The following PCNX4 variants were observed in gnomAD, a reference collection of about 807,000 sequenced individuals.
PCNX4 encodes pecanex 4, also known as pecanex-like protein 4.
In PCNX4, 103 loss-of-function variants were observed where a neutral mutation model predicts 107.2. The observed-to-expected ratio is 0.96, with a 90% CI of 0.82 to 1.13. The LOEUF (loss-of-function observed/expected upper bound fraction) is 1.13, where lower values mean the gene tolerates loss of function less well. Ranked by LOEUF, PCNX4 falls within the 50% of genes most tolerant of loss-of-function variation. The probability of loss-of-function intolerance (pLI) is 0.00; values close to 1 mark genes in which losing one functional copy is unlikely to be tolerated. For missense variants in PCNX4, 1,528 were observed against 1,379.4 expected, an observed-to-expected ratio of 1.11 and a Z score of -1.71; for synonymous variants, 541 against 481.7, an observed-to-expected ratio of 1.12 and a Z score of -1.61.
intron 8 of PCNX4, among the ~76,000 whole-genome samples, chr14:60,122,821 A>T (rs1895980159): frequency 6.6e-6 from 1 of 152,120 alleles, no homozygotes; most frequent in African/African-American, 2.4e-5. Context: ...TATATAATGA[A>T]TAGTAAGTGA....
rs75260093 is a variant in PCNX4 at position 60,110,032 on chromosome 14, T to G, written c.689+1705T>G. The G allele has an allele frequency of 0.013, 2,144 of 167,188 alleles. 73 individuals are homozygous for G. In the East Asian group the frequency reaches 0.15, roughly 12 times the overall value. 10.4% of individuals were successfully genotyped at this position (167,188 alleles called of 1,614,324 possible). ...AGAGAAGGAACCAGAACTTGAAGAT[T>G]TGGAAAATTTTCAGCCTGGATTATC... On this transcript the variant is annotated intron_variant, in intron 2 of 10. Transcript: ENST00000406854.
chr14:60,121,223 T>G lies in PCNX4; in HGVS notation c.1970T>G (p.Leu657Trp). Reference protein sequence around the residue: ...LGLLLPGSHYLGRFQDRLMWI... With the variant: ...LGLLLPGSHYWGRFQDRLMWI... ...CTCCTCCTACCTGGATCTCATTACTTGGGCCGTTTTCAGGATCGTTTAATG... is the reference window on the plus strand; with the variant it reads ...CTCCTCCTACCTGGATCTCATTACTGGGGCCGTTTTCAGGATCGTTTAATG... The change falls in exon 8 of 11, where the codon TTG becomes TGG. Residue 657 changes from leucine (L) to tryptophan (W), a missense_variant. Coordinates refer to ENST00000406854, the MANE Select transcript of PCNX4 (RefSeq NM_001330177.2). The G allele has an allele frequency of 6.2e-7, 1 of 1,610,218 alleles. No homozygotes were observed.
Position 60,118,443 on chromosome 14 carries a change from T to G in PCNX4, c.1693T>G (p.Leu565Val). The G allele has an allele frequency of 6.2e-7, 1 of 1,613,748 alleles. No individual in the cohort carries two copies. The highest frequency in any genetic ancestry group is 8.5e-7 in the Non-Finnish European group (1 of 1,179,780). ...ACAACGTCGAAAAACAACTGCCACT[T>G]TATGTATACTCAACATTGTCTTTTC... Reference protein sequence around the residue: ...KKQRRKTTATLCILNIVFSPF... With the variant: ...KKQRRKTTATVCILNIVFSPF... Residue 565 changes from leucine to valine, a missense_variant, in exon 7 of 11, where the codon TTA becomes GTA. Physicochemically the swap from Leu to Val is conservative, Grantham distance 32 (BLOSUM62 1). Coordinates refer to ENST00000406854, the MANE Select transcript of PCNX4 (RefSeq NM_001330177.2).
At chr14:60,110,233 A>G (rs160236) in intron 2 of PCNX4, 127,741 of 167,070 alleles carry the variant, frequency 0.76, 51,061 homozygotes, top group Non-Finnish European at 0.87. Context: ...TGGATTTGAC[A>G]GGATGTAATG....
At position 60,139,476 on chromosome 14, in the gene PCNX4, A is replaced by G. The variant is rs1896282366; in HGVS notation, c.*5255A>G. ...TATAGCCTCAAATATATAAGCAGAA[A>G]TGAACAGAACTAAAATGAGAAAAGA... On this transcript the variant is annotated 3_prime_UTR_variant, in exon 11 of 11. Coordinates refer to ENST00000406854, the MANE Select transcript of PCNX4 (RefSeq NM_001330177.2). 6.6e-6 allele frequency: 1 copy of G among 152,136 alleles called. No homozygotes were observed. The highest frequency in any genetic ancestry group is 2.1e-4 in the South Asian group (1 of 4,834). 9.4% of individuals were successfully genotyped at this position (152,136 alleles called of 1,614,324 possible). A position where few individuals can be genotyped will look rare whatever the true frequency, so the allele number is the denominator to read the frequency against.
At chr14:60,093,647 C>G (rs916516824) in intron 1 of PCNX4, among the ~76,000 whole-genome samples, 3 of 152,054 alleles carry the variant, frequency 2.0e-5, no homozygotes, top group Non-Finnish European at 4.4e-5. Flanking sequence ...TTCTATGAAT[C>G]TTTTGTGTAC....
intron 10 of PCNX4, among the ~76,000 whole-genome samples, chr14:60,130,923 A>T (rs1411868315): frequency 6.6e-6 from 1 of 151,982 alleles, no homozygotes; most frequent in African/African-American, 2.4e-5. Context: ...TGGTAGTAGG[A>T]GGTGGGGCCT....
chr14:60,137,297 G>T lies in PCNX4; in HGVS notation c.*3076G>T, dbSNP rs576843973. On this transcript the variant is annotated 3_prime_UTR_variant, in exon 11 of 11. Transcript: ENST00000406854. ...TGCTGAGTTAGAGGGACAAAAACTG[G>T]AGACCAAGACTCTCCAAGGAAGTAG... is the stretch of plus-strand genomic sequence containing the variant. The T allele has an allele frequency of 8.5e-5, 13 of 152,300 alleles. No individual in the cohort carries two copies. Among genetic ancestry groups the T allele is most frequent in the African/African-American group, 2.9e-4 (12 of 41,546 alleles). The allele number at this position is 152,300 out of a possible 1,614,324, so 9.4% of individuals were successfully genotyped here. A position where few individuals can be genotyped will look rare whatever the true frequency, so the allele number is the denominator to read the frequency against.
chr14:60,147,278 C>A lies in PCNX4; in HGVS notation c.*13057C>A, dbSNP rs187824085. ...ATATTTTCAGTTATAAGATAAATAA[C>A]TTATGTTATTATAATTTACAGATTC... On this transcript the variant is annotated 3_prime_UTR_variant, in exon 11 of 11. Transcript: ENST00000406854. 4.6e-5 allele frequency: 7 copies of A among 151,922 alleles called. No individual in the cohort carries two copies. In the East Asian group the frequency reaches 1.4e-3, roughly 29 times the overall value. 9.4% of individuals were successfully genotyped at this position (151,922 alleles called of 1,614,324 possible). A position where few individuals can be genotyped will look rare whatever the true frequency, so the allele number is the denominator to read the frequency against.
At chr14:60,097,913 C>T (rs1415801449) in intron 1 of PCNX4, among the ~76,000 whole-genome samples, 1 of 152,200 alleles carries the variant, frequency 6.6e-6, no homozygotes, top group Non-Finnish European at 1.5e-5. Flanking sequence ...CCCTTGTCAG[C>T]AGGAAGTAGC....
chr14:60,111,723 A>G (rs1054153977), intron 2 of PCNX4, among the ~76,000 whole-genome samples: 3 of 152,288 alleles, frequency 2.0e-5, no homozygotes, highest in Middle Eastern at 3.4e-3. Flanking sequence ...AGTACATAAA[A>G]GGTTTTTTAC....
chr14:60,136,478 A>G lies in PCNX4; in HGVS notation c.*2257A>G, dbSNP rs1369778469. ...CTCTCTTCTTACACTGAACCTATAT[A>G]TATCACTTATTTGGTATCTTCACTT... On this transcript the variant is annotated 3_prime_UTR_variant, in exon 11 of 11. Transcript: ENST00000406854. 2 of 152,222 alleles carry G rather than the reference A, an allele frequency of 1.3e-5. No individual in the cohort carries two copies. Among genetic ancestry groups the G allele is most frequent in the Non-Finnish European group, 2.9e-5 (2 of 68,032 alleles). The allele number at this position is 152,222 out of a possible 1,614,324, so 9.4% of individuals were successfully genotyped here. A position where few individuals can be genotyped will look rare whatever the true frequency, so the allele number is the denominator to read the frequency against.
In PCNX4 at chr14:60,124,561, C is replaced by T. The variant is rs1896013908; in HGVS notation, c.2390C>T (p.Ala797Val). The change falls in exon 9 of 11, where the codon GCT becomes GTT. Residue 797 changes from alanine to valine, a missense_variant. Physicochemically the swap from Ala to Val is moderately conservative, Grantham distance 64. Transcript: ENST00000406854. ...NKGKAPLMLPALNTLPPPKSP... is the reference protein window; with the variant it reads ...NKGKAPLMLPVLNTLPPPKSP... ...GGGAAAGCACCTCTAATGTTGCCTG[C>T]TTTGAACACTTTGCCACCTCCCAAA... is the stretch of plus-strand genomic sequence containing the variant. 1.2e-6 allele frequency: 2 copies of T among 1,613,630 alleles called. No homozygotes were observed. Among genetic ancestry groups the T allele is most frequent in the African/African-American group, 1.3e-5 (1 of 74,898 alleles).
In PCNX4 at chr14:60,143,416, CTCTT is replaced by C. The variant is rs748476890; in HGVS notation, c.*9197_*9200del. 4.6e-5 allele frequency: 7 copies of C among 152,150 alleles called. No homozygotes were observed. The highest frequency in any genetic ancestry group is 6.5e-5 in the Admixed American group (1 of 15,274). 9.4% of individuals were successfully genotyped at this position (152,150 alleles called of 1,614,324 possible). A position where few individuals can be genotyped will look rare whatever the true frequency, so the allele number is the denominator to read the frequency against. ...TCATCACTGGTCACGCAAGAGTCCT[CTCTT>C]TATTATATTTTATCCCCATAGTTCA... On this transcript the variant is annotated 3_prime_UTR_variant, in exon 11 of 11. Transcript: ENST00000406854.
At chr14:60,123,704 CCAAAGTAAT>C (rs973776050) in intron 8 of PCNX4, among the ~76,000 whole-genome samples, 7 of 151,906 alleles carry the variant, frequency 4.6e-5, no homozygotes, top group African/African-American at 9.7e-5. Flanking sequence ...ATAGCAGTAA[CCAAAGTAAT>C]CAAAGAAGTA....
At chr14:60,092,505 G>T (rs1288832892) in intron 1 of PCNX4, 86 bp downstream of exon 1, 1 of 152,256 alleles carries the variant, frequency 6.6e-6, no homozygotes, top group Non-Finnish European at 1.5e-5. Flanking sequence ...TGTTCTAGGG[G>T]CTTTCATTGC....
At chr14:60,116,196 A>C in intron 6 of PCNX4, 136 bp downstream of exon 6, 1 of 840,680 alleles carries the variant, frequency 1.2e-6, no homozygotes, top group Non-Finnish European at 1.7e-6. Context: ...CCAAAAAGAA[A>C]CCTCAACTGT....
intron 10 of PCNX4, among the ~76,000 whole-genome samples, chr14:60,131,332 TA>T (rs1198381444): frequency 6.6e-6 from 1 of 152,142 alleles, no homozygotes; most frequent in Non-Finnish European, 1.5e-5. Context: ...AGGAATCAAC[TA>T]AAAAGCTTAG....
chr14:60,104,740 A>G lies in PCNX4; in HGVS notation c.-53-2846A>G, dbSNP rs558889143. On this transcript the variant is annotated intron_variant, in intron 1 of 10. Transcript: ENST00000406854. ...TCAGGTCTCGTGAGACTTATTCACT[A>G]CCACAAGAACAGTATGGGGGAAACC... Among the ~76,000 whole-genome samples the G allele has an allele frequency of 1.2e-3, 180 of 152,268 alleles. 1 individual carries two copies. Among genetic ancestry groups the G allele is most frequent in the Non-Finnish European group, 1.9e-3 (130 of 68,022 alleles).
Sources: allele counts gnomAD v4.1 joint callset (sites outside exome capture counted in the v4.1 genomes callset), GRCh38; gene constraint gnomAD v4.1.1; transcripts MANE v1.5; gene names NCBI Gene and HGNC (gene_info 2026-07-23, HGNC 2026-07-21).